Variants in TSG101 observed in about 807,000 individuals in gnomAD.
TSG101 encodes tumor susceptibility gene 101 protein.
Under a neutral mutation model 48.5 loss-of-function variants are expected in TSG101, and 19 were observed. The observed-to-expected ratio is 0.39, with a 90% CI of 0.27 to 0.58. TSG101 has a LOEUF of 0.58. Ranked by LOEUF, TSG101 falls within the 20% of genes least tolerant of loss-of-function variation. The pLI is 0.55. For synonymous variants in TSG101, 174 were observed against 169.4 expected (o/e 1.03, Z -0.21); for missense variants, 365 against 484.4 (o/e 0.75, Z 2.31).
chr11:18,517,696 T>C (rs1033790136), intron 2 of TSG101, among the ~76,000 whole-genome samples: 5 of 152,230 alleles, frequency 3.3e-5, no homozygotes, highest in African/African-American at 1.2e-4. Flanking sequence ...GGCTATGCCA[T>C]ATAACCTAGG....
chr11:18,481,592 C>T (rs549550403), intron 9 of TSG101, 38 bp downstream of exon 9: 20 of 1,596,938 alleles, frequency 1.3e-5, no homozygotes, highest in Admixed American at 1.7e-5. Flanking sequence ...CTCTACAACC[C>T]AAGTTAAAAA....
chr11:18,521,149 T>C (rs1393285033), intron 1 of TSG101, among the ~76,000 whole-genome samples: 2 of 152,108 alleles, frequency 1.3e-5, no homozygotes, highest in African/African-American at 2.4e-5. Flanking sequence ...CTCTGTGATA[T>C]CAGCAACCAC....
chr11:18,480,510 TAAG>T lies in TSG101; in HGVS notation c.*33_*35del, dbSNP rs754731711. ...TGATAAAAGGAAGAGAAGAATACTT[TAAG>T]AAGAGCTCAACCTCCAGCTGGTATC... On this transcript the variant is annotated 3_prime_UTR_variant, in exon 10 of 10. Transcript: ENST00000251968. 6.2e-5 allele frequency: 96 copies of T among 1,558,290 alleles called. No individual in the cohort carries two copies. Among genetic ancestry groups the T allele is most frequent in the Middle Eastern group, 5.0e-4 (3 of 5,970 alleles).
In TSG101 at chr11:18,481,671, C is replaced by T; in HGVS notation, c.1042G>A (p.Ala348Thr). ...AGGTCTATCACGCCCCTTCTCAAGG[C>T]TTCTCCCAAGTAAAAGATAGTGTCT... ...IEDTIFYLGEALRRGVIDLDV... is the reference protein window; with the variant it reads ...IEDTIFYLGETLRRGVIDLDV... Residue 348 changes from alanine to threonine, a missense_variant, in exon 9 of 10, where the codon GCC (alanine) becomes ACC (threonine). Physicochemically the swap from Ala to Thr is moderately conservative, Grantham distance 58 (BLOSUM62 0). Transcript: ENST00000251968. 4 of 1,614,168 alleles carry T rather than the reference C, an allele frequency of 2.5e-6. No homozygotes were observed. Among genetic ancestry groups the T allele is most frequent in the Non-Finnish European group, 3.4e-6 (4 of 1,180,024 alleles).
At position 18,509,227 on chromosome 11, in the gene TSG101, C is replaced by T. The variant is rs533897575; in HGVS notation, c.481+315G>A. On this transcript the variant is annotated intron_variant, in intron 5 of 9. Coordinates refer to ENST00000251968, the MANE Select transcript of TSG101 (RefSeq NM_006292.4). Reference sequence around the variant, plus strand: ...CAGACTACCTTTCAAGTTATATGTGCTTCCAAGCTGATCAAATAAGGCTAT... The same window carrying T: ...CAGACTACCTTTCAAGTTATATGTGTTTCCAAGCTGATCAAATAAGGCTAT... Among the ~76,000 whole-genome samples the T allele has an allele frequency of 7.9e-5, 12 of 152,332 alleles. No homozygotes were observed. In the East Asian group the frequency reaches 1.7e-3, roughly 22 times the overall value.
At position 18,502,561 on chromosome 11, in the gene TSG101, G is replaced by A. The variant is rs536807993; in HGVS notation, c.565C>T (p.Pro189Ser). 2.2e-5 allele frequency: 36 copies of A among 1,612,564 alleles called. No individual in the cohort carries two copies. In the East Asian group the frequency reaches 7.6e-4, roughly 34 times the overall value. The change falls in exon 7 of 10, where the codon CCT becomes TCT. Residue 189 changes from proline (P) to serine (S), a missense_variant. Pro to Ser is a moderately conservative substitution (Grantham distance 74). Transcript: ENST00000251968. ...GGATATGGACCACCAGGTGGGTAAGGACAGCCTGGGTAACCACTAAAGACA... is the reference window on the plus strand; with the variant it reads ...GGATATGGACCACCAGGTGGGTAAGAACAGCCTGGGTAACCACTAAAGACA... ...PPNPSGYPGC[P>S]YPPGGPYPAT... is the part of the protein sequence containing the mutation.
intron 6 of TSG101, 43 bp downstream of exon 6, chr11:18,506,814 A>G: frequency 6.9e-7 from 1 of 1,452,878 alleles, no homozygotes; most frequent in Non-Finnish European, 9.3e-7. Context: ...GATCTAATAG[A>G]AGAATTTGTA....
intron 1 of TSG101, chr11:18,525,540 TA>T (rs756622322): frequency 0.15 from 17,124 of 111,318 alleles, 605 homozygotes; most frequent in East Asian, 0.37. Context: ...AGCAAGACTC[TA>T]AAAAAAAAAA....
At position 18,514,702 on chromosome 11, in the gene TSG101, A is replaced by T; in HGVS notation, c.333T>A (p.Leu111=). ...CGTGTTTCCATTCATGTAGATAAGGAAGATATATCTTCCCATTTGCATCAA... is the reference window on the plus strand; with the variant it reads ...CGTGTTTCCATTCATGTAGATAAGGTAGATATATCTTCCCATTTGCATCAA... The part of the protein sequence containing the change: ...KHVDANGKIY[L]PYLHEWKHPQ... Residue 111 remains leucine (L), a synonymous_variant, in exon 4 of 10, where the codon CTT becomes CTA. Coordinates refer to ENST00000251968, the MANE Select transcript of TSG101 (RefSeq NM_006292.4). The T allele has an allele frequency of 6.3e-7, 1 of 1,584,244 alleles. No individual in the cohort carries two copies. The highest frequency in any genetic ancestry group is 1.2e-5 in the South Asian group (1 of 85,072).
At chr11:18,492,303 G>A (rs1024426240) in intron 7 of TSG101, among the ~76,000 whole-genome samples, 1 of 152,176 alleles carries the variant, frequency 6.6e-6, no homozygotes, top group African/African-American at 2.4e-5. Context: ...ACATGCAACA[G>A]TGGTGGTATT....
chr11:18,496,458 A>AAAATAAAATAAAATAAAATAAAAT (rs1849780180), intron 7 of TSG101, among the ~76,000 whole-genome samples: 2 of 88,268 alleles, frequency 2.3e-5, no homozygotes, highest in East Asian at 4.9e-4. Flanking sequence ...AAAATAAAAT[A>AAAATAAAATAAAATAAAATAAAAT]AAATAAAATA....
intron 4 of TSG101, among the ~76,000 whole-genome samples, chr11:18,512,414 T>C (rs957659731): frequency 6.6e-6 from 1 of 152,172 alleles, no homozygotes; most frequent in Non-Finnish European, 1.5e-5. Context: ...TTAGTTTCTT[T>C]TTAATAAAAT....
intron 7 of TSG101, among the ~76,000 whole-genome samples, chr11:18,494,695 G>A (rs1172860510): frequency 6.6e-6 from 1 of 152,202 alleles, no homozygotes; most frequent in Non-Finnish European, 1.5e-5. Context: ...CCCAAAGGAA[G>A]TCTGTGAAAG....
rs755172396 is a variant in TSG101, at chr11:18,526,854, G to A, written c.-38C>T. On this transcript the variant is annotated 5_prime_UTR_variant, in exon 1 of 10. Transcript: ENST00000251968. ...GCGACTCCCTTCCCCGCAGGCAGAG[G>A]GTCAGCCGCTGCTGGGCTGCCCCAG... The A allele has an allele frequency of 7.5e-6, 12 of 1,591,576 alleles. No individual in the cohort carries two copies. The highest frequency in any genetic ancestry group is 9.4e-6 in the Non-Finnish European group (11 of 1,175,428).
intron 4 of TSG101, 52 bp downstream of exon 4, chr11:18,514,626 T>G: frequency 6.9e-7 from 1 of 1,444,262 alleles, no homozygotes; most frequent in South Asian, 1.6e-5. Flanking sequence ...CAGATGCTAG[T>G]GAGCAAAATA....
chr11:18,508,431 G>A (rs1850013274), intron 5 of TSG101: 1 of 151,902 alleles, frequency 6.6e-6, no homozygotes, highest in Admixed American at 6.6e-5. Context: ...CTGACATCAG[G>A]TGATCCACCC....
intron 2 of TSG101, among the ~76,000 whole-genome samples, chr11:18,516,772 T>A (rs1383229864): frequency 4.0e-5 from 6 of 151,578 alleles, no homozygotes; most frequent in Non-Finnish European, 8.8e-5. Flanking sequence ...AGAAACCCCA[T>A]CTCTACTAAA....
intron 7 of TSG101, among the ~76,000 whole-genome samples, chr11:18,485,916 T>A (rs1849613468): frequency 1.3e-5 from 2 of 152,240 alleles, no homozygotes; most frequent in African/African-American, 2.4e-5. Context: ...TGGTCCCGGA[T>A]GAAACCCCTG....
At chr11:18,483,808 A>AGAACAC in intron 8 of TSG101, 62 bp downstream of exon 8, 1 of 1,567,376 alleles carries the variant, frequency 6.4e-7, no homozygotes, top group South Asian at 1.1e-5. Flanking sequence ...GGGAACATAT[A>AGAACAC]GAACACTCTG....
Sources: allele counts gnomAD v4.1 joint callset (sites outside exome capture counted in the v4.1 genomes callset), GRCh38; gene constraint gnomAD v4.1.1; transcripts MANE v1.5; gene names NCBI Gene and HGNC (gene_info 2026-07-23, HGNC 2026-07-21).